TET1: variants seen among roughly 807,000 people sequenced by gnomAD.
The protein encoded by TET1 is methylcytosine dioxygenase TET1.
A neutral mutation model predicts 148.7 loss-of-function variants in TET1; 13 were observed. The ratio of observed to expected loss-of-function variants is 0.09; its 90% CI spans 0.06 to 0.14. The LOEUF (loss-of-function observed/expected upper bound fraction) is 0.14. Ranked by LOEUF, TET1 falls within the 10% of genes least tolerant of loss-of-function variation. The pLI is 1.00. For missense variants in TET1, 2,182 were observed against 2,553.8 expected, an observed-to-expected ratio of 0.85 and a Z score of 3.14; for synonymous variants, 907 against 937.2, an observed-to-expected ratio of 0.97 and a Z score of 0.59.
At chr10:68,576,982 C>T (rs911800475) in intron 2 of TET1, among the ~76,000 whole-genome samples, 1 of 151,984 alleles carries the variant, frequency 6.6e-6, no homozygotes, top group Non-Finnish European at 1.5e-5. Context: ...GATCTCGGCT[C>T]ACTGCAAGCT....
At chr10:68,594,672 C>T (rs764467328) in intron 2 of TET1, among the ~76,000 whole-genome samples, 4 of 152,102 alleles carry the variant, frequency 2.6e-5, no homozygotes, top group Non-Finnish European at 4.4e-5. Context: ...TAAAACCAAA[C>T]TAGCTTTTTT....
At chr10:68,620,579 C>A (rs368979204) in intron 3 of TET1, among the ~76,000 whole-genome samples, 1 of 151,636 alleles carries the variant, frequency 6.6e-6, no homozygotes, top group East Asian at 1.9e-4. Flanking sequence ...TTGTACACCA[C>A]CCCCACCCCC....
At chr10:68,574,978 T>A (rs925066041) in intron 2 of TET1, among the ~76,000 whole-genome samples, 1 of 152,236 alleles carries the variant, frequency 6.6e-6, no homozygotes, top group Non-Finnish European at 1.5e-5. Flanking sequence ...ATTGCTTTTT[T>A]GGCCTTTTGA....
At position 68,595,919 on chromosome 10, in the gene TET1, CATATATAT is replaced by C. The variant is rs374124558; in HGVS notation, c.1915-5026_1915-5019del. 1.7e-3 allele frequency among the ~76,000 whole-genome samples: 60 copies of C among 34,524 alleles called. 1 individual carries two copies. The highest frequency in any genetic ancestry group is 7.7e-3 in the Admixed American group (17 of 2,212). 22.6% of individuals were successfully genotyped at this position (34,524 alleles called of 152,430 possible). A position where few individuals can be genotyped will look rare whatever the true frequency, so the allele number is the denominator to read the frequency against. On this transcript the variant is annotated intron_variant, in intron 2 of 11. Transcript: ENST00000373644. ...TGTGAGCCACTGCGCCCAGCCAAAA[CATATATAT>C]ATATATATATATATATATATATATA...
chr10:68,626,089 C>CAA (rs768111191), intron 3 of TET1, among the ~76,000 whole-genome samples: 89 of 34,528 alleles, frequency 2.6e-3, no homozygotes, highest in African/African-American at 7.8e-3. Flanking sequence ...GACCCTATCT[C>CAA]AAAAAAAAGA....
intron 3 of TET1, among the ~76,000 whole-genome samples, chr10:68,630,650 A>C (rs557374650): frequency 1.3e-5 from 2 of 152,252 alleles, no homozygotes; most frequent in South Asian, 4.1e-4. Context: ...GAAGATATCC[A>C]GTTGGTGGTT....
chr10:68,663,857 C>T (rs2055156663), intron 6 of TET1, among the ~76,000 whole-genome samples: 1 of 152,160 alleles, frequency 6.6e-6, no homozygotes, highest in South Asian at 2.1e-4. Flanking sequence ...GCCAAATTTG[C>T]CTGCTGTAGC....
intron 2 of TET1, among the ~76,000 whole-genome samples, chr10:68,584,994 T>G (rs977198887): frequency 1.3e-5 from 2 of 151,528 alleles, no homozygotes; most frequent in Non-Finnish European, 2.9e-5. Context: ...CTAATTTTTT[T>G]GTGTTTTTGT....
intron 7 of TET1, among the ~76,000 whole-genome samples, chr10:68,667,758 A>G (rs1445131700): frequency 2.7e-5 from 4 of 149,562 alleles, no homozygotes; most frequent in African/African-American, 7.3e-5. Flanking sequence ...AAAAAAAACA[A>G]AAAAGAAAAG....
chr10:68,624,658 TTCTCTCTCTC>T (rs201414722), intron 3 of TET1, among the ~76,000 whole-genome samples: 15 of 95,274 alleles, frequency 1.6e-4, no homozygotes, highest in Middle Eastern at 6.0e-3. Context: ...CTTTCTTTCT[TTCTCTCTCTC>T]TCTCTCTCTC....
intron 9 of TET1, 47 bp downstream of exon 9, chr10:68,681,535 G>A: frequency 7.3e-7 from 1 of 1,377,296 alleles, no homozygotes; most frequent in South Asian, 1.2e-5. Context: ...TTTGAGGTGG[G>A]GTCTTGCTTT....
Position 68,593,449 on chromosome 10 carries a change from T to G in TET1, c.1915-7532T>G, listed in dbSNP as rs191241537. On this transcript the variant is annotated intron_variant, in intron 2 of 11. Coordinates refer to ENST00000373644, the MANE Select transcript of TET1 (RefSeq NM_030625.3). ...AGTTTTTTTAAAAAAATTTTTAATTTTTTCACTTTTTATGATGGAGTCTCA... is the reference window on the plus strand; with the variant it reads ...AGTTTTTTTAAAAAAATTTTTAATTGTTTCACTTTTTATGATGGAGTCTCA... Among the ~76,000 whole-genome samples, 4 of 152,056 alleles carry G rather than the reference T, an allele frequency of 2.6e-5. No individual in the cohort carries two copies. The East Asian group carries it at 7.7e-4, about 29-fold the overall frequency.
At position 68,687,907 on chromosome 10, in the gene TET1, TGGTTTTG is replaced by T. The variant is rs1213130954; in HGVS notation, c.5404+1217_5404+1223del. On this transcript the variant is annotated intron_variant, in intron 11 of 11. Coordinates refer to ENST00000373644, the MANE Select transcript of TET1 (RefSeq NM_030625.3). ...GTTGATTATAAAGTCTCGTTAGTTT[TGGTTTTG>T]GGTTTTGGGTTTTGGGGTTTTTTTT... 4.6e-5 allele frequency among the ~76,000 whole-genome samples: 7 copies of T among 152,220 alleles called. No homozygotes were observed. The East Asian group carries it at 9.6e-4, about 21-fold the overall frequency.
chr10:68,632,520 G>C, intron 3 of TET1: 2 of 1,612,558 alleles, frequency 1.2e-6, no homozygotes, highest in Non-Finnish European at 8.5e-7. Flanking sequence ...GACATTTTTT[G>C]TTCACTAGTA....
chr10:68,652,448 A>G, intron 5 of TET1, 53 bp from the exon 6 acceptor site: 3 of 1,350,758 alleles, frequency 2.2e-6, no homozygotes, highest in Middle Eastern at 1.8e-4. Context: ...CAAAGCCTTC[A>G]AGTACAGATT....
At chr10:68,626,153 A>ACGGTG in intron 3 of TET1, among the ~76,000 whole-genome samples, 1 of 149,950 alleles carries the variant, frequency 6.7e-6, no homozygotes, top group East Asian at 2.0e-4. Flanking sequence ...GAGGGAAAAT[A>ACGGTG]CGGTGTCCTT....
chr10:68,613,938 C>CA (rs56302094), intron 3 of TET1, among the ~76,000 whole-genome samples: 18,185 of 118,516 alleles, frequency 0.15, 1,241 homozygotes, highest in Middle Eastern at 0.22. Context: ...GACTTCGTCT[C>CA]AAAAAAAAAA....
At chr10:68,656,225 A>G (rs575240105) in intron 6 of TET1, among the ~76,000 whole-genome samples, 1 of 152,322 alleles carries the variant, frequency 6.6e-6, no homozygotes, top group South Asian at 2.1e-4. Context: ...ACGTACTCGA[A>G]TCATCCCAAA....
chr10:68,563,057 C>T (rs1165859045), intron 1 of TET1, among the ~76,000 whole-genome samples: 2 of 151,790 alleles, frequency 1.3e-5, no homozygotes, highest in East Asian at 1.9e-4. Context: ...TCTTCTACTT[C>T]CTCCTGTTGT....
Sources: gnomAD v4.1 joint callset for allele counts (sites outside exome capture counted in the v4.1 genomes callset) on GRCh38, gnomAD v4.1.1 for gene constraint, MANE v1.5 for transcripts, NCBI Gene and HGNC (gene_info 2026-07-23, HGNC 2026-07-21) for gene names.